Variants in PSMB5 observed in about 807,000 individuals in gnomAD.
The protein encoded by PSMB5 is proteasome subunit beta type-5.
PSMB5 carries 2 observed loss-of-function variants against 22.8 expected under a neutral mutation model. That is an observed-to-expected ratio of 0.09 (90% CI 0.04 to 0.28). PSMB5 has a LOEUF of 0.28. Ranked by LOEUF, PSMB5 falls within the 10% of genes least tolerant of loss-of-function variation. PSMB5 has a pLI of 1.00. For synonymous variants in PSMB5, 133 were observed against 135.3 expected (o/e 0.98, Z 0.12); for missense variants, 269 against 343.8 (o/e 0.78, Z 1.72).
chr14:23,029,789 T>A (rs1022257319), intron 2 of PSMB5, among the ~76,000 whole-genome samples: 9 of 148,800 alleles, frequency 6.0e-5, no homozygotes, highest in Non-Finnish European at 1.2e-4. Context: ...AATTTTGTAT[T>A]TTTTTTTTTT....
intron 2 of PSMB5, 66 bp from the exon 3 acceptor site, chr14:23,026,441 T>A (rs2046914266): frequency 1.3e-6 from 2 of 1,554,900 alleles, no homozygotes; most frequent in African/African-American, 2.8e-5. Context: ...CTAATTCATA[T>A]GCCAAGGCAG....
At chr14:23,030,495 A>G (rs2046945248) in intron 2 of PSMB5, among the ~76,000 whole-genome samples, 1 of 152,198 alleles carries the variant, frequency 6.6e-6, no homozygotes, top group East Asian at 1.9e-4. Context: ...TCTCAATAAA[A>G]AAAAAAAAAG....
At chr14:23,034,184 A>G (rs570424286) in intron 1 of PSMB5, among the ~76,000 whole-genome samples, 5 of 152,096 alleles carry the variant, frequency 3.3e-5, no homozygotes, top group Non-Finnish European at 5.9e-5. Context: ...ATGAAATCAA[A>G]TGATTTCTCA....
intron 1 of PSMB5, 188 bp downstream of exon 1, chr14:23,034,496 T>C: frequency 1.5e-6 from 1 of 680,508 alleles, no homozygotes; most frequent in Non-Finnish European, 2.4e-6. Context: ...ACCGCCACCC[T>C]TTCCAACCAG....
intron 2 of PSMB5, among the ~76,000 whole-genome samples, 190 bp from the exon 3 acceptor site, chr14:23,026,565 T>C (rs2046915345): frequency 1.3e-5 from 2 of 151,752 alleles, no homozygotes; most frequent in South Asian, 4.2e-4. Flanking sequence ...TTCTCCTGCC[T>C]CAGTTTCCCA....
At chr14:23,030,773 A>G (rs1017511556) in intron 2 of PSMB5, among the ~76,000 whole-genome samples, 1 of 151,908 alleles carries the variant, frequency 6.6e-6, no homozygotes, top group African/African-American at 2.4e-5. Context: ...CTAAAAATAC[A>G]AAAGTTAGCT....
At chr14:23,027,859 C>T (rs2046927155) in intron 2 of PSMB5, 2 of 1,512,502 alleles carry the variant, frequency 1.3e-6, no homozygotes, top group Non-Finnish European at 1.8e-6. Context: ...AAACATAATC[C>T]CCGGCCAGGC....
intron 2 of PSMB5, 80 bp downstream of exon 2, chr14:23,033,288 G>T: frequency 7.1e-7 from 1 of 1,415,250 alleles, no homozygotes; most frequent in Non-Finnish European, 9.7e-7. Flanking sequence ...TTGACACCAA[G>T]CCCTTTAATT....
At chr14:23,034,472 T>C (rs530826651) in intron 1 of PSMB5, 4 of 588,152 alleles carry the variant, frequency 6.8e-6, no homozygotes, top group Admixed American at 6.1e-5. Flanking sequence ...CTCCCCCGAC[T>C]TACCCCCGGC....
intron 2 of PSMB5, among the ~76,000 whole-genome samples, chr14:23,029,613 C>T (rs2046939056): frequency 6.6e-6 from 1 of 152,208 alleles, no homozygotes; most frequent in Admixed American, 6.5e-5. Context: ...ATGGCACAAT[C>T]TCAGCTTACT....
intron 2 of PSMB5, chr14:23,027,827 A>G (rs2046926853): frequency 6.5e-7 from 1 of 1,544,356 alleles, no homozygotes; most frequent in East Asian, 2.5e-5. Flanking sequence ...AGAACTTCAG[A>G]CACTGTGAAA....
Position 23,033,506 on chromosome 14 carries a change from G to C in PSMB5, c.367C>G (p.Arg123Gly). ...TCCTTATTTCGAAGCTCATAGATTC[G>C]ACATTGCCGAGCCAACAGCCGTTCC... ...FWERLLARQC[R>G]IYELRNKERI... The change falls in exon 2 of 3, where the codon CGA becomes GGA. Residue 123 changes from arginine (R) to glycine (G), a missense_variant. Coordinates refer to ENST00000361611, the MANE Select transcript of PSMB5 (RefSeq NM_002797.5). 1 of 1,614,054 alleles carries C rather than the reference G, an allele frequency of 6.2e-7. No homozygotes were observed. The highest frequency in any genetic ancestry group is 8.5e-7 in the Non-Finnish European group (1 of 1,180,022).
chr14:23,032,207 G>A (rs1021343088), intron 2 of PSMB5, among the ~76,000 whole-genome samples: 1 of 152,214 alleles, frequency 6.6e-6, no homozygotes, highest in East Asian at 1.9e-4. Flanking sequence ...CACTTTGGGA[G>A]GCTGAGGCGG....
At chr14:23,034,614 G>A (rs1018844304) in intron 1 of PSMB5, 70 bp downstream of exon 1, 22 of 1,556,772 alleles carry the variant, frequency 1.4e-5, no homozygotes, top group Admixed American at 5.5e-5. Flanking sequence ...CGCAAACTCC[G>A]GTCAGGCTGG....
chr14:23,025,875 A>G lies in PSMB5; in HGVS notation c.*214T>C, dbSNP rs2046908376. The G allele has an allele frequency of 7.1e-7, 1 of 1,411,760 alleles. No individual in the cohort carries two copies. The highest frequency in any genetic ancestry group is 9.2e-7 in the Non-Finnish European group (1 of 1,085,506). 87.5% of individuals were successfully genotyped at this position (1,411,760 alleles called of 1,614,324 possible). ...CTGAGATTGAGTAGTGAGTAGTGTA[A>G]TGTTAACATCCAAGAAAGTAAAACA... On this transcript the variant is annotated 3_prime_UTR_variant, in exon 3 of 3. Transcript: ENST00000361611.
At position 23,030,305 on chromosome 14, in the gene PSMB5, C is replaced by T. The variant is rs932458426; in HGVS notation, c.505+3063G>A. 1.0e-3 allele frequency among the ~76,000 whole-genome samples: 155 copies of T among 151,626 alleles called. 1 individual carries two copies. The highest frequency in any genetic ancestry group is 3.7e-3 in the African/African-American group (153 of 41,426). On this transcript the variant is annotated intron_variant, in intron 2 of 2. Transcript: ENST00000361611. ...GAGATTGAGACCATCCTGGCTAACA[C>T]AGTGAAACCCCGTCTCTACTAAAAA...
At chr14:23,027,178 C>G (rs1158386323) in intron 2 of PSMB5, among the ~76,000 whole-genome samples, 1 of 151,454 alleles carries the variant, frequency 6.6e-6, no homozygotes, top group Non-Finnish European at 1.5e-5. Context: ...GTCAGGAGAT[C>G]GAGATCATCC....
intron 2 of PSMB5, among the ~76,000 whole-genome samples, chr14:23,029,067 C>T (rs1424288087): frequency 6.6e-6 from 1 of 152,144 alleles, no homozygotes; most frequent in African/African-American, 2.4e-5. Context: ...TTCAAAAATG[C>T]ACAGGACTTA....
In PSMB5 at chr14:23,034,668, G is replaced by A. The variant is rs771954822; in HGVS notation, c.198+16C>T. The A allele has an allele frequency of 1.2e-6, 2 of 1,613,324 alleles. No homozygotes were observed. Among genetic ancestry groups the A allele is most frequent in the South Asian group, 2.2e-5 (2 of 90,994 alleles). ...GGCGTTCAGTACTCAGCCTGGCAAG[G>A]GGGCTGGCTCCACACCTTGAAGGCC... On this transcript the variant is annotated intron_variant, in intron 1 of 2. Transcript: ENST00000361611.
Sources: allele counts gnomAD v4.1 joint callset (sites outside exome capture counted in the v4.1 genomes callset), GRCh38; gene constraint gnomAD v4.1.1; transcripts MANE v1.5; gene names NCBI Gene and HGNC (gene_info 2026-07-23, HGNC 2026-07-21).